The following AFDN variants were observed in gnomAD, a reference collection of about 807,000 sequenced individuals.
AFDN encodes afadin, adherens junction formation factor, also known as afadin.
In AFDN, 68 loss-of-function variants were observed where a neutral mutation model predicts 216.6. The ratio of observed to expected loss-of-function variants is 0.31; its 90% CI spans 0.26 to 0.38. The LOEUF (loss-of-function observed/expected upper bound fraction) is 0.38. Ranked by LOEUF, AFDN falls within the 10% of genes least tolerant of loss-of-function variation. AFDN has a pLI of 1.00. For missense variants in AFDN, 2,136 were observed against 2,342.0 expected (o/e 0.91, Z 1.82); for synonymous variants, 868 against 853.7 (o/e 1.02, Z -0.29).
At chr6:167,917,386 A>T (rs1791217888) in intron 20 of AFDN, among the ~76,000 whole-genome samples, 154 bp downstream of exon 20, 1 of 152,216 alleles carries the variant, frequency 6.6e-6, no homozygotes, top group Non-Finnish European at 1.5e-5. Context: ...GAGTTCAATG[A>T]AAAAACAGAA....
intron 30 of AFDN, among the ~76,000 whole-genome samples, chr6:167,960,793 C>T (rs180897970): frequency 2.0e-5 from 3 of 152,144 alleles, no homozygotes; most frequent in Admixed American, 6.5e-5. Flanking sequence ...GCGTCACCGA[C>T]GGCTTCCTTG....
chr6:167,847,161 A>G (rs1279133456), intron 1 of AFDN, among the ~76,000 whole-genome samples: 3 of 152,160 alleles, frequency 2.0e-5, no homozygotes, highest in Admixed American at 6.5e-5. Flanking sequence ...CTGATGCAGC[A>G]GCAGTTGATC....
At chr6:167,858,140 C>G (rs1286492337) in intron 1 of AFDN, among the ~76,000 whole-genome samples, 1 of 152,068 alleles carries the variant, frequency 6.6e-6, no homozygotes, top group Non-Finnish European at 1.5e-5. Context: ...TTCCATAATG[C>G]TGACTAAGAG....
intron 12 of AFDN, among the ~76,000 whole-genome samples, chr6:167,905,186 T>C (rs553571447): frequency 6.6e-6 from 1 of 152,366 alleles, no homozygotes; most frequent in East Asian, 1.9e-4. Flanking sequence ...GCACCTGATG[T>C]AAGTTATTTA....
Position 167,965,905 on chromosome 6 carries a change from C to T in AFDN, c.5117C>T (p.Pro1706Leu). Reference sequence around the variant, plus strand: ...GACTACGAGCCCCCGTCCCCGTCCCCCGCGCCCGGCGCCCCTCCTCCCCCG... The same window carrying T: ...GACTACGAGCCCCCGTCCCCGTCCCTCGCGCCCGGCGCCCCTCCTCCCCCG... ...PRDYEPPSPS[P>L]APGAPPPPPQ... The change falls in exon 32 of 34, where the codon CCC (proline) becomes CTC (leucine). Residue 1706 changes from proline to leucine, a missense_variant. Transcript: ENST00000683244. 1 of 1,549,738 alleles carries T rather than the reference C, an allele frequency of 6.5e-7. No homozygotes were observed. Among genetic ancestry groups the T allele is most frequent in the Non-Finnish European group, 8.7e-7 (1 of 1,146,620 alleles).
rs531384166 is a variant in AFDN at position 167,876,165 on chromosome 6, T to C, written c.739+670T>C. On this transcript the variant is annotated intron_variant, in intron 5 of 33. Transcript: ENST00000683244. Reference sequence around the variant, plus strand: ...TTCTCCTGAGCATATTTCAGCCTAGTGTCCAGACAGCCACCGTCTGGGGGG... The same window carrying C: ...TTCTCCTGAGCATATTTCAGCCTAGCGTCCAGACAGCCACCGTCTGGGGGG... Among the ~76,000 whole-genome samples, 47 of 152,310 alleles carry C rather than the reference T, an allele frequency of 3.1e-4. No individual in the cohort carries two copies. The East Asian group carries it at 9.1e-3, about 29-fold the overall frequency.
At position 167,827,026 on chromosome 6, in the gene AFDN, G is replaced by C. The variant is rs1337373582; in HGVS notation, c.-107G>C. 2.8e-6 allele frequency: 1 copy of C among 352,210 alleles called. No individual in the cohort carries two copies. Among genetic ancestry groups the C allele is most frequent in the Non-Finnish European group, 4.0e-6 (1 of 251,244 alleles). 21.8% of individuals were successfully genotyped at this position (352,210 alleles called of 1,614,324 possible). A position where few individuals can be genotyped will look rare whatever the true frequency, so the allele number is the denominator to read the frequency against. ...AGGCGGAGGCAGCCGCGGAGGCGGA[G>C]GCGGCCGGCGGGGGGTGGCGAGGGG... On this transcript the variant is annotated 5_prime_UTR_variant, in exon 1 of 34. Coordinates refer to ENST00000683244, the MANE Select transcript of AFDN (RefSeq NM_001386888.1).
intron 23 of AFDN, among the ~76,000 whole-genome samples, chr6:167,940,194 G>C (rs969361290): frequency 1.2e-4 from 18 of 150,920 alleles, no homozygotes; most frequent in African/African-American, 4.4e-4. Flanking sequence ...AGGAAAGATG[G>C]GTGGACAGAC....
chr6:167,859,734 A>G (rs539552380), intron 1 of AFDN, among the ~76,000 whole-genome samples: 19 of 151,120 alleles, frequency 1.3e-4, no homozygotes, highest in South Asian at 4.2e-4. Context: ...TTTATTTCTT[A>G]TATTGACTCT....
intron 1 of AFDN, among the ~76,000 whole-genome samples, chr6:167,843,294 A>G (rs983628133): frequency 6.6e-5 from 10 of 152,304 alleles, no homozygotes; most frequent in African/African-American, 2.2e-4. Context: ...GCAATTCCTG[A>G]CCTCTTCTCC....
intron 19 of AFDN, 113 bp from the exon 20 acceptor site, chr6:167,916,976 G>GCATTTC (rs1280361310): frequency 1.1e-6 from 1 of 899,396 alleles, no homozygotes. Flanking sequence ...AAATCATTCT[G>GCATTTC]CATTTCAAAG....
At chr6:167,849,886 C>A (rs1160165580) in intron 1 of AFDN, among the ~76,000 whole-genome samples, 1 of 152,096 alleles carries the variant, frequency 6.6e-6, no homozygotes, top group Non-Finnish European at 1.5e-5. Flanking sequence ...TTCTAGGTTC[C>A]TTTTGTAAGT....
intron 3 of AFDN, among the ~76,000 whole-genome samples, chr6:167,870,904 G>T (rs1784713612): frequency 6.6e-6 from 1 of 152,084 alleles, no homozygotes; most frequent in Non-Finnish European, 1.5e-5. Context: ...TTCATTATGT[G>T]CAGGGTTAGG....
chr6:167,877,742 T>A (rs1443288826), intron 5 of AFDN, among the ~76,000 whole-genome samples: 1 of 152,236 alleles, frequency 6.6e-6, no homozygotes, highest in East Asian at 1.9e-4. Context: ...AATTCTTTAG[T>A]GTGGGCTGGA....
intron 1 of AFDN, among the ~76,000 whole-genome samples, chr6:167,846,330 T>G (rs1781679253): frequency 6.6e-6 from 1 of 152,150 alleles, no homozygotes; most frequent in Non-Finnish European, 1.5e-5. Context: ...AGTTTAGATG[T>G]TTTAAGTTCC....
At position 167,893,118 on chromosome 6, in the gene AFDN, A is replaced by G. The variant is rs912990313; in HGVS notation, c.1178-744A>G. Among the ~76,000 whole-genome samples, 35 of 152,158 alleles carry G rather than the reference A, an allele frequency of 2.3e-4. 2 individuals are homozygous for G. The highest frequency in any genetic ancestry group is 2.9e-5 in the Non-Finnish European group (2 of 68,028). The stretch of plus-strand genomic sequence containing the variant: ...GTGGGATAGCTTAACTTGTTCCACA[A>G]ATGTCTGAAGTTCAGGTCTGGTGCC... On this transcript the variant is annotated intron_variant, in intron 8 of 33. Transcript: ENST00000683244.
chr6:167,827,420 G>A (rs1342980641), intron 1 of AFDN, among the ~76,000 whole-genome samples, 183 bp downstream of exon 1: 2 of 120,408 alleles, frequency 1.7e-5, no homozygotes, highest in East Asian at 5.8e-4. Flanking sequence ...CGCAGCCCCC[G>A]TCCCCCTGCC....
At chr6:167,921,593 T>A (rs1188912358) in intron 21 of AFDN, among the ~76,000 whole-genome samples, 1 of 152,208 alleles carries the variant, frequency 6.6e-6, no homozygotes, top group African/African-American at 2.4e-5. Flanking sequence ...ATTCCTTGTC[T>A]GAGATGCATT....
At chr6:167,864,434 T>C (rs1783946236) in intron 1 of AFDN, 117 bp from the exon 2 acceptor site, 1 of 959,252 alleles carries the variant, frequency 1.0e-6, no homozygotes, top group Non-Finnish European at 1.7e-6. Context: ...TAGTCTCAGA[T>C]GTTTATGATG....
Sources: gnomAD v4.1 joint callset for allele counts (sites outside exome capture counted in the v4.1 genomes callset) on GRCh38, gnomAD v4.1.1 for gene constraint, MANE v1.5 for transcripts, NCBI Gene and HGNC (gene_info 2026-07-23, HGNC 2026-07-21) for gene names.